CNTNAP5: variants seen among roughly 807,000 people sequenced by gnomAD.
The protein encoded by CNTNAP5 is contactin-associated protein-like 5.
CNTNAP5 carries 72 observed loss-of-function variants against 150.2 expected under a neutral mutation model. That is an observed-to-expected ratio of 0.48 (90% confidence interval 0.40 to 0.58). The LOEUF (loss-of-function observed/expected upper bound fraction) is 0.58, where lower values mean the gene tolerates loss of function less well. CNTNAP5 is among the 20% of genes least tolerant of loss of function. The probability of loss-of-function intolerance (pLI) is 0.00; values close to 1 mark genes in which losing one functional copy is unlikely to be tolerated. For synonymous variants in CNTNAP5, 672 were observed against 619.8 expected, an observed-to-expected ratio of 1.08 and a Z score of -1.25; for missense variants, 1,636 against 1,626.2, an observed-to-expected ratio of 1.01 and a Z score of -0.10.
intron 1 of CNTNAP5, among the ~76,000 whole-genome samples, chr2:124,146,334 A>C (rs58431809): frequency 0.041 from 6,287 of 152,258 alleles, 429 homozygotes; most frequent in African/African-American, 0.14. Flanking sequence ...AAATTTCCTG[A>C]GAGGGGTAGG....
intron 3 of CNTNAP5, among the ~76,000 whole-genome samples, chr2:124,403,827 A>T (rs1381856617): frequency 6.6e-6 from 1 of 152,204 alleles, no homozygotes; most frequent in African/African-American, 2.4e-5. Context: ...GAGGCCTCAC[A>T]ATTATGGAAG....
chr2:124,036,220 G>A (rs1441690285), intron 1 of CNTNAP5, among the ~76,000 whole-genome samples: 2 of 151,996 alleles, frequency 1.3e-5, no homozygotes, highest in African/African-American at 2.4e-5. Flanking sequence ...CACCGCGCCC[G>A]GCCTCCCAGG....
At chr2:124,208,965 G>A (rs1243428457) in intron 1 of CNTNAP5, among the ~76,000 whole-genome samples, 1 of 152,074 alleles carries the variant, frequency 6.6e-6, no homozygotes, top group African/African-American at 2.4e-5. Context: ...TGACCTCCCC[G>A]TGGGAAACAG....
intron 6 of CNTNAP5, among the ~76,000 whole-genome samples, chr2:124,457,925 A>G (rs1394227301): frequency 1.3e-5 from 2 of 151,904 alleles, no homozygotes; most frequent in Non-Finnish European, 2.9e-5. Flanking sequence ...AGATGTTGGC[A>G]TGGATATGGT....
In CNTNAP5 at chr2:124,919,171, A is replaced by G. The variant is rs552745968; in HGVS notation, c.*4883A>G. Among the ~76,000 whole-genome samples, 1 of 152,178 alleles carries G rather than the reference A, an allele frequency of 6.6e-6. No homozygotes were observed. The highest frequency in any genetic ancestry group is 1.5e-5 in the Non-Finnish European group (1 of 67,986). ...CACACTTTGTACAAATAGGGCTGTT[A>G]TTCAACTTTTCTCTTGAACATTCTA... On this transcript the variant is annotated 3_prime_UTR_variant, in exon 24 of 24. Coordinates refer to ENST00000682447, the MANE Select transcript of CNTNAP5 (RefSeq NM_001367498.1).
chr2:124,386,253 A>G (rs763048487), intron 3 of CNTNAP5, among the ~76,000 whole-genome samples: 171 of 152,364 alleles, frequency 1.1e-3, no homozygotes, highest in Non-Finnish European at 1.8e-3. Context: ...GTCATTGGCC[A>G]GTAAAGAGAT....
At chr2:124,817,454 A>G (rs1682389204) in intron 19 of CNTNAP5, among the ~76,000 whole-genome samples, 1 of 152,192 alleles carries the variant, frequency 6.6e-6, no homozygotes, top group African/African-American at 2.4e-5. Context: ...AAAAGCCCTG[A>G]GTTAACTTAG....
chr2:124,798,605 G>C (rs183695354), intron 19 of CNTNAP5, among the ~76,000 whole-genome samples: 1 of 152,308 alleles, frequency 6.6e-6, no homozygotes, highest in Admixed American at 6.5e-5. Context: ...AATCCATTAA[G>C]TGCAAAGGAG....
Position 124,851,011 on chromosome 2 carries a change from G to A in CNTNAP5, c.3218-14295G>A, listed in dbSNP as rs74473968. On this transcript the variant is annotated intron_variant, in intron 19 of 23. Transcript: ENST00000682447. ...AGGCATTAGAGAAAGTATAGATAAC[G>A]CCTTAAAAGTTTTACTGTAAACCAT... Among the ~76,000 whole-genome samples, 1,138 of 152,222 alleles carry A rather than the reference G, an allele frequency of 7.5e-3. 14 individuals are homozygous for A. Among genetic ancestry groups the A allele is most frequent in the African/African-American group, 0.026 (1,086 of 41,558 alleles).
rs571165892 is a variant in CNTNAP5, at chr2:124,278,638, A to T, written c.381+36245A>T. 2.0e-4 allele frequency among the ~76,000 whole-genome samples: 30 copies of T among 152,284 alleles called. No homozygotes were observed. In the South Asian group the frequency reaches 6.2e-3, roughly 32 times the overall value. ...AGATGATGTGGAATGCTGTCATCAAACCCAATCTGCTCATTCCAAGCTGTG... is the reference window on the plus strand; with the variant it reads ...AGATGATGTGGAATGCTGTCATCAATCCCAATCTGCTCATTCCAAGCTGTG... On this transcript the variant is annotated intron_variant, in intron 3 of 23. Coordinates refer to ENST00000682447, the MANE Select transcript of CNTNAP5 (RefSeq NM_001367498.1).
At chr2:124,461,047 G>A (rs1693235170) in intron 6 of CNTNAP5, among the ~76,000 whole-genome samples, 1 of 152,100 alleles carries the variant, frequency 6.6e-6, no homozygotes, top group African/African-American at 2.4e-5. Context: ...GAGAGGATGT[G>A]GAGAAATAGG....
chr2:124,918,608 G>A lies in CNTNAP5; in HGVS notation c.*4320G>A, dbSNP rs1002909524. ...AGGAAAGGAAAGGTCTTGACAGACTGTTCACCAACTGCCCTAGCTTCCTTT... is the reference window on the plus strand; with the variant it reads ...AGGAAAGGAAAGGTCTTGACAGACTATTCACCAACTGCCCTAGCTTCCTTT... On this transcript the variant is annotated 3_prime_UTR_variant, in exon 24 of 24. Transcript: ENST00000682447. Among the ~76,000 whole-genome samples the A allele has an allele frequency of 6.6e-6, 1 of 152,044 alleles. No individual in the cohort carries two copies. The highest frequency in any genetic ancestry group is 1.5e-5 in the Non-Finnish European group (1 of 67,978).
chr2:124,389,173 C>T (rs557993014), intron 3 of CNTNAP5, among the ~76,000 whole-genome samples: 11 of 152,046 alleles, frequency 7.2e-5, no homozygotes, highest in East Asian at 1.9e-4. Flanking sequence ...AATGTTTAGG[C>T]GCAGATAAGA....
chr2:124,491,993 T>C (rs1469890684), intron 7 of CNTNAP5, among the ~76,000 whole-genome samples: 1 of 152,142 alleles, frequency 6.6e-6, no homozygotes, highest in African/African-American at 2.4e-5. Flanking sequence ...AGTTATATTA[T>C]GAGTTTCTTG....
At chr2:124,415,283 T>A (rs1023050711) in intron 3 of CNTNAP5, among the ~76,000 whole-genome samples, 2 of 152,296 alleles carry the variant, frequency 1.3e-5, no homozygotes, top group East Asian at 3.9e-4. Context: ...CATTCTTTTA[T>A]ATGAGAGTTT....
In CNTNAP5 at chr2:124,764,033, A is replaced by C. The variant is rs186713620; in HGVS notation, c.2419A>C (p.Thr807Pro). The C allele has an allele frequency of 6.2e-7, 1 of 1,613,212 alleles. No individual in the cohort carries two copies. Among genetic ancestry groups the C allele is most frequent in the Non-Finnish European group, 8.5e-7 (1 of 1,179,416 alleles). The change falls in exon 16 of 24, where the codon ACC becomes CCC. Residue 807 changes from threonine to proline, a missense_variant. Thr to Pro is a conservative substitution (Grantham distance 38). Coordinates refer to ENST00000682447, the MANE Select transcript of CNTNAP5 (RefSeq NM_001367498.1). The part of the protein sequence containing the change: ...YTEASYLHFP[T>P]FHAEFSADIS... Reference sequence around the variant, plus strand: ...AGAAGCCTCTTACCTCCACTTTCCTACCTTCCATGCGGAATTCAGTGCCGA... The same window carrying C: ...AGAAGCCTCTTACCTCCACTTTCCTCCCTTCCATGCGGAATTCAGTGCCGA...
rs772926173 is a variant in CNTNAP5, at chr2:124,527,331, G to A, written c.1524G>A (p.Lys508=). 1.2e-6 allele frequency: 2 copies of A among 1,613,696 alleles called. No individual in the cohort carries two copies. Among genetic ancestry groups the A allele is most frequent in the Admixed American group, 3.3e-5 (2 of 59,988 alleles). Residue 508 remains lysine, a synonymous_variant, in exon 10 of 24, where the codon AAG becomes AAA. Coordinates refer to ENST00000682447, the MANE Select transcript of CNTNAP5 (RefSeq NM_001367498.1). ...LTDSQCLNPI[K]AFQGCMRLIF... ...ATTCCCAATGTTTAAATCCCATTAA[G>A]GCTTTCCAAGGCTGCATGAGGCTCA...
intron 3 of CNTNAP5, among the ~76,000 whole-genome samples, chr2:124,417,081 G>T (rs956457513): frequency 7.9e-5 from 12 of 151,588 alleles, no homozygotes; most frequent in Admixed American, 2.0e-4. Context: ...GGGATTACAG[G>T]CACACACCAC....
At chr2:124,050,735 T>C (rs1681674202) in intron 1 of CNTNAP5, among the ~76,000 whole-genome samples, 1 of 152,146 alleles carries the variant, frequency 6.6e-6, no homozygotes, top group Non-Finnish European at 1.5e-5. Flanking sequence ...AGAATATAGC[T>C]TTGTACTTTG....
Sources: allele counts gnomAD v4.1 joint callset (sites outside exome capture counted in the v4.1 genomes callset), GRCh38; gene constraint gnomAD v4.1.1; transcripts MANE v1.5; gene names NCBI Gene and HGNC (gene_info 2026-07-23, HGNC 2026-07-21).